ZC3H3: variants seen among roughly 807,000 people sequenced by gnomAD.
The protein encoded by ZC3H3 is zinc finger CCCH domain-containing protein 3.
A neutral mutation model predicts 77.3 loss-of-function variants in ZC3H3; 36 were observed. The ratio of observed to expected loss-of-function variants is 0.47; its 90% CI spans 0.36 to 0.61. The LOEUF is 0.61. Among genes scored for constraint, ZC3H3 ranks in the 20% least tolerant of loss-of-function variants. The pLI is 0.00. For missense variants in ZC3H3, 1,331 were observed against 1,312.2 expected (o/e 1.01, Z -0.22); for synonymous variants, 626 against 555.2 (o/e 1.13, Z -1.79).
In ZC3H3 at chr8:143,460,469, C is replaced by T. The variant is rs1349720714; in HGVS notation, c.2307+5248G>A. ...GGAACCCGTGCGCCGTTGCTGGGAA[C>T]GTAAAGTGGTTCAGCCACAACAGAA... On this transcript the variant is annotated intron_variant, in intron 9 of 11. Coordinates refer to ENST00000262577, the MANE Select transcript of ZC3H3 (RefSeq NM_015117.3). The surrounding 1 kb of genome is among the most constrained non-coding windows in gnomAD (Gnocchi z 4.0). Among the ~76,000 whole-genome samples the T allele has an allele frequency of 1.3e-5, 2 of 152,092 alleles. No individual in the cohort carries two copies. Among genetic ancestry groups the T allele is most frequent in the Non-Finnish European group, 2.9e-5 (2 of 68,016 alleles).
chr8:143,524,752 C>CG (rs1271205678), intron 3 of ZC3H3, among the ~76,000 whole-genome samples: 1 of 152,246 alleles, frequency 6.6e-6, no homozygotes, highest in Non-Finnish European at 1.5e-5. Flanking sequence ...TTCAGCTCCC[C>CG]GGGGGAACAA....
chr8:143,472,197 T>A (rs1820586406), intron 5 of ZC3H3, among the ~76,000 whole-genome samples: 1 of 151,942 alleles, frequency 6.6e-6, no homozygotes, highest in African/African-American at 2.4e-5. Flanking sequence ...AATGAAGGAG[T>A]TCTGGGTTGC....
intron 4 of ZC3H3, chr8:143,484,825 T>A (rs1821006757): frequency 2.3e-6 from 1 of 444,352 alleles, no homozygotes; most frequent in Admixed American, 2.5e-5. Context: ...ACAGCAGACA[T>A]CCCCCCACTC....
chr8:143,498,307 C>A (rs1821412352), intron 4 of ZC3H3, among the ~76,000 whole-genome samples: 1 of 152,238 alleles, frequency 6.6e-6, no homozygotes, highest in South Asian at 2.1e-4. Context: ...AGGCCGCGTT[C>A]TCCCAGAACC....
chr8:143,454,000 A>G (rs1232200105), intron 9 of ZC3H3, among the ~76,000 whole-genome samples: 1 of 152,206 alleles, frequency 6.6e-6, no homozygotes, highest in East Asian at 1.9e-4. Context: ...CACTCTCTGC[A>G]GTTTCAGTTA....
chr8:143,488,682 T>C (rs939701723), intron 4 of ZC3H3, among the ~76,000 whole-genome samples: 2 of 152,094 alleles, frequency 1.3e-5, no homozygotes, highest in Middle Eastern at 3.2e-3. Flanking sequence ...CCATCTTAGG[T>C]AGGAAAGGCT....
chr8:143,440,105 G>C lies in ZC3H3; in HGVS notation c.2751C>G (p.Ser917=), dbSNP rs190080915. ...CKLPSFISLQ[S]SPSPGAQPRV... is the part of the protein sequence containing the mutation. ...TGGGCTGGGCTCCTGGGCTCGGCGA[G>C]GACTGCAGGGAGATGAAGGAAGGCA... Residue 917 remains serine (S), a synonymous_variant, in exon 11 of 12, where the codon TCC becomes TCG. Transcript: ENST00000262577. 3.2e-5 allele frequency: 52 copies of C among 1,608,918 alleles called. No homozygotes were observed. The Admixed American group carries it at 3.7e-4, about 11-fold the overall frequency.
rs558739324 is a variant in ZC3H3 at position 143,516,008 on chromosome 8, T to A, written c.1562-8109A>T. On this transcript the variant is annotated intron_variant, in intron 3 of 11. Coordinates refer to ENST00000262577, the MANE Select transcript of ZC3H3 (RefSeq NM_015117.3). ...GCCCAGGCCCTGCAGGTGCAGGGAG[T>A]GTGCTGCTGACGTGGCTGGGCCCTC... Among the ~76,000 whole-genome samples the A allele has an allele frequency of 3.3e-5, 5 of 152,090 alleles. No individual in the cohort carries two copies. The East Asian group carries it at 9.7e-4, about 30-fold the overall frequency.
At chr8:143,497,417 C>A (rs1272132163) in intron 4 of ZC3H3, among the ~76,000 whole-genome samples, 1 of 152,194 alleles carries the variant, frequency 6.6e-6, no homozygotes, top group Admixed American at 6.5e-5. Flanking sequence ...CAGGAAGCTG[C>A]CCCCGAAGGT....
At chr8:143,450,588 A>G (rs574970400) in intron 9 of ZC3H3, among the ~76,000 whole-genome samples, 2 of 152,262 alleles carry the variant, frequency 1.3e-5, no homozygotes, top group African/African-American at 4.8e-5. Context: ...GGAGCTTCCA[A>G]TCGTGGCAGA....
chr8:143,440,435 C>T, intron 10 of ZC3H3, 72 bp from the exon 11 acceptor site: 1 of 1,472,518 alleles, frequency 6.8e-7, no homozygotes, highest in South Asian at 1.4e-5. Context: ...ACTGCCCATG[C>T]TCTTGGCTGC....
At position 143,533,967 on chromosome 8, in the gene ZC3H3, C is replaced by T. The variant is rs966955066; in HGVS notation, c.1561+2290G>A. On this transcript the variant is annotated intron_variant, in intron 3 of 11. Transcript: ENST00000262577. The surrounding 1 kb of genome is among the most constrained non-coding windows in gnomAD (Gnocchi z 4.0). ...CTGGGATTACAGGCATGAGCCACCA[C>T]GCCCAGCCTCACGTTGGTCTTTAAC... Among the ~76,000 whole-genome samples, 16 of 152,022 alleles carry T rather than the reference C, an allele frequency of 1.1e-4. No homozygotes were observed. The highest frequency in any genetic ancestry group is 3.6e-4 in the African/African-American group (15 of 41,444).
At chr8:143,466,025 C>T (rs1820399497) in intron 8 of ZC3H3, among the ~76,000 whole-genome samples, 177 bp from the exon 9 acceptor site, 1 of 152,172 alleles carries the variant, frequency 6.6e-6, no homozygotes, top group Admixed American at 6.5e-5. Context: ...CAGAAGTGGG[C>T]CCCAGCCTCC....
chr8:143,482,569 G>T (rs1820934638), intron 4 of ZC3H3, among the ~76,000 whole-genome samples: 1 of 152,170 alleles, frequency 6.6e-6, no homozygotes, highest in South Asian at 2.1e-4. Flanking sequence ...CCAGGGCTTG[G>T]TCAGCAGATA....
chr8:143,497,360 C>T (rs992345007), intron 4 of ZC3H3, among the ~76,000 whole-genome samples: 29 of 152,124 alleles, frequency 1.9e-4, no homozygotes, highest in African/African-American at 7.0e-4. Flanking sequence ...CCCCCAACCC[C>T]GCCACCAGTC....
intron 3 of ZC3H3, among the ~76,000 whole-genome samples, chr8:143,517,445 A>C (rs1228649688): frequency 6.6e-6 from 1 of 152,192 alleles, no homozygotes; most frequent in Non-Finnish European, 1.5e-5. Context: ...CCTGTACCCC[A>C]GGCCGCGCTC....
chr8:143,440,746 C>T (rs111741715), intron 10 of ZC3H3, among the ~76,000 whole-genome samples, 190 bp downstream of exon 10: 217 of 152,362 alleles, frequency 1.4e-3, no homozygotes, highest in African/African-American at 5.1e-3. Flanking sequence ...TTGGCTCTGT[C>T]CAGACTTGGA....
At chr8:143,452,701 G>T (rs1820019626) in intron 9 of ZC3H3, among the ~76,000 whole-genome samples, 1 of 152,194 alleles carries the variant, frequency 6.6e-6, no homozygotes, top group Admixed American at 6.5e-5. Flanking sequence ...AAAAAACTCA[G>T]TGTGTGGCAC....
At chr8:143,514,571 C>A (rs1821973355) in intron 3 of ZC3H3, among the ~76,000 whole-genome samples, 1 of 152,254 alleles carries the variant, frequency 6.6e-6, no homozygotes, top group Admixed American at 6.5e-5. Context: ...CATTCCCGAT[C>A]CTGTGGCTCT....
Sources: gnomAD v4.1 joint callset for allele counts (sites outside exome capture counted in the v4.1 genomes callset) on GRCh38, gnomAD v4.1.1 for gene constraint, Gnocchi (gnomAD v3.1) non-coding constraint, MANE v1.5 for transcripts, NCBI Gene and HGNC (gene_info 2026-07-23, HGNC 2026-07-21) for gene names.